The following CLIP4 variants were observed in gnomAD, a reference collection of about 807,000 sequenced individuals.
The protein encoded by CLIP4 is CAP-Gly domain-containing linker protein 4.
In CLIP4, 47 loss-of-function variants were observed where a neutral mutation model predicts 73.1. That is an observed-to-expected ratio of 0.64 (90% CI 0.51 to 0.82). The LOEUF (loss-of-function observed/expected upper bound fraction) is 0.82, where lower values mean the gene tolerates loss of function less well. Ranked by LOEUF, CLIP4 falls within the 40% of genes least tolerant of loss-of-function variation. The pLI is 0.00. For synonymous variants in CLIP4, 306 were observed against 295.4 expected (o/e 1.04, Z -0.37); for missense variants, 874 against 852.9 (o/e 1.02, Z -0.31).
At chr2:29,172,062 G>A (rs572915571) in intron 14 of CLIP4, among the ~76,000 whole-genome samples, 1 of 139,588 alleles carries the variant, frequency 7.2e-6, no homozygotes, top group Non-Finnish European at 1.5e-5. Context: ...AGAAGTTATA[G>A]TCTATGAATA....
At chr2:29,108,297 G>A (rs1377162950) in intron 1 of CLIP4, among the ~76,000 whole-genome samples, 1 of 152,098 alleles carries the variant, frequency 6.6e-6, no homozygotes, top group African/African-American at 2.4e-5. Context: ...GCGAAACAGG[G>A]GTTACTTGAA....
intron 15 of CLIP4, 21 bp downstream of exon 15, chr2:29,174,466 G>A (rs776324700): frequency 1.9e-6 from 3 of 1,602,414 alleles, no homozygotes; most frequent in Non-Finnish European, 2.5e-6. Flanking sequence ...AGAAGATTTA[G>A]AAAAACACCT....
chr2:29,128,657 G>T (rs1664774249), intron 2 of CLIP4, among the ~76,000 whole-genome samples: 1 of 152,114 alleles, frequency 6.6e-6, no homozygotes, highest in African/African-American at 2.4e-5. Context: ...TGAAATGCTA[G>T]TTATGCATTA....
chr2:29,150,643 C>CTTTTTTTTTTTTTTTTTTTTTTTTTT (rs34553625), intron 8 of CLIP4, among the ~76,000 whole-genome samples: 2 of 80,264 alleles, frequency 2.5e-5, no homozygotes, highest in Non-Finnish European at 4.8e-5. Flanking sequence ...TTGATTTGCT[C>CTTTTTTTTTTTTTTTTTTTTTTTTTT]TTTTTTTTTT....
intron 1 of CLIP4, among the ~76,000 whole-genome samples, chr2:29,116,459 G>GT (rs1339997943): frequency 6.6e-6 from 1 of 152,230 alleles, no homozygotes; most frequent in East Asian, 1.9e-4. Flanking sequence ...AAAGGTTTCA[G>GT]TAAACACCTT....
intron 6 of CLIP4, among the ~76,000 whole-genome samples, chr2:29,137,506 T>C (rs1665453696): frequency 1.3e-5 from 2 of 152,218 alleles, no homozygotes; most frequent in South Asian, 4.1e-4. Flanking sequence ...GTCTTTTTGG[T>C]AAAATAATTT....
chr2:29,170,004 G>A (rs574125078), intron 14 of CLIP4, among the ~76,000 whole-genome samples: 2 of 152,124 alleles, frequency 1.3e-5, no homozygotes, highest in African/African-American at 2.4e-5. Flanking sequence ...GAGTGAGAAC[G>A]TGTGATATTT....
chr2:29,112,714 G>A (rs959166412), upstream of CLIP4, among the ~76,000 whole-genome samples: 1 of 152,228 alleles, frequency 6.6e-6, no homozygotes, highest in Admixed American at 6.5e-5. Flanking sequence ...TCTGCCCAGT[G>A]CTCTGATCTT....
intron 15 of CLIP4, among the ~76,000 whole-genome samples, chr2:29,177,596 T>G (rs991614648): frequency 6.6e-6 from 1 of 151,618 alleles, no homozygotes; most frequent in African/African-American, 2.4e-5. Context: ...AAAAGTAATA[T>G]ATATATTTTT....
chr2:29,170,526 A>G (rs949697731), intron 14 of CLIP4, among the ~76,000 whole-genome samples: 2 of 152,202 alleles, frequency 1.3e-5, no homozygotes, highest in Non-Finnish European at 2.9e-5. Context: ...TGTGTTTTGC[A>G]ACTATTTCCC....
intron 1 of CLIP4, among the ~76,000 whole-genome samples, chr2:29,102,457 G>A (rs970429531): frequency 6.6e-6 from 1 of 152,038 alleles, no homozygotes; most frequent in African/African-American, 2.4e-5. Context: ...GTTGCCACCT[G>A]AGTTCAGGTT....
intron 9 of CLIP4, among the ~76,000 whole-genome samples, chr2:29,154,563 G>C (rs1666795948): frequency 2.6e-5 from 4 of 152,154 alleles, no homozygotes; most frequent in Admixed American, 2.6e-4. Flanking sequence ...GTATGACAGA[G>C]CAAGGAAACG....
At position 29,135,669 on chromosome 2, in the gene CLIP4, A is replaced by G. The variant is rs764734514; in HGVS notation, c.648+3A>G. 19 of 1,572,976 alleles carry G rather than the reference A, an allele frequency of 1.2e-5. No homozygotes were observed. The African/African-American group carries it at 2.5e-4, about 20-fold the overall frequency. On this transcript the variant is annotated splice_donor_region_variant and intron_variant, in intron 6 of 15. Transcript: ENST00000320081. Reference sequence around the variant, plus strand: ...AGGGAGCAAATCCTGCATTTAGGGTAAGAGGTTAAATTAAAAGTGAAAAAT... The same window carrying G: ...AGGGAGCAAATCCTGCATTTAGGGTGAGAGGTTAAATTAAAAGTGAAAAAT...
At chr2:29,155,049 A>T (rs1487100499) in intron 9 of CLIP4, among the ~76,000 whole-genome samples, 1 of 152,244 alleles carries the variant, frequency 6.6e-6, no homozygotes, top group Non-Finnish European at 1.5e-5. Context: ...TCTTACAAGG[A>T]AAAAGACAGT....
At chr2:29,116,507 C>T (rs1013935616) in intron 1 of CLIP4, among the ~76,000 whole-genome samples, 7 of 152,226 alleles carry the variant, frequency 4.6e-5, no homozygotes, top group Admixed American at 6.5e-5. Flanking sequence ...TTGTACTTCA[C>T]TTTCACTTTG....
At chr2:29,174,579 A>G in intron 15 of CLIP4, 134 bp downstream of exon 15, 1 of 1,412,988 alleles carries the variant, frequency 7.1e-7, no homozygotes, top group East Asian at 2.6e-5. Context: ...AAGGTGTGAT[A>G]AGTGTATTGA....
intron 1 of CLIP4, among the ~76,000 whole-genome samples, chr2:29,119,707 C>T (rs1572877709): frequency 1.3e-5 from 2 of 152,272 alleles, no homozygotes; most frequent in African/African-American, 4.8e-5. Context: ...TTTTCCTAGT[C>T]ATATCCCAAG....
intron 6 of CLIP4, among the ~76,000 whole-genome samples, chr2:29,140,812 G>A (rs1665713005): frequency 6.6e-6 from 1 of 152,156 alleles, no homozygotes; most frequent in Non-Finnish European, 1.5e-5. Context: ...GTTTTGATTT[G>A]CATTTCTCTG....
chr2:29,163,676 A>G, intron 12 of CLIP4, 155 bp from the exon 13 acceptor site: 2 of 677,990 alleles, frequency 2.9e-6, no homozygotes, highest in Non-Finnish European at 4.6e-6. Context: ...CAAAGTTTAC[A>G]ATTTTATAAT....
Sources: allele counts gnomAD v4.1 joint callset (sites outside exome capture counted in the v4.1 genomes callset), GRCh38; gene constraint gnomAD v4.1.1; transcripts MANE v1.5; gene names NCBI Gene and HGNC (gene_info 2026-07-23, HGNC 2026-07-21).